Variants in GAS2 observed in about 807,000 individuals in gnomAD.
GAS2 encodes the protein growth arrest-specific protein 2.
In GAS2, 20 loss-of-function variants were observed where a neutral mutation model predicts 37.5. The observed-to-expected ratio is 0.53, with a 90% CI of 0.37 to 0.77. GAS2 has a LOEUF of 0.77. Ranked by LOEUF, GAS2 falls within the 30% of genes least tolerant of loss-of-function variation. The pLI, the probability that GAS2 is intolerant of heterozygous loss-of-function variation, is 0.00. For missense variants in GAS2, 336 were observed against 373.4 expected, an observed-to-expected ratio of 0.90 and a Z score of 0.82; for synonymous variants, 144 against 132.2, an observed-to-expected ratio of 1.09 and a Z score of -0.61.
At chr11:22,732,260 TG>T (rs1852514571) in intron 4 of GAS2, among the ~76,000 whole-genome samples, 1 of 151,716 alleles carries the variant, frequency 6.6e-6, no homozygotes, top group South Asian at 2.1e-4. Context: ...TATTTTAACC[TG>T]GGTGCTGGGT....
At position 22,685,855 on chromosome 11, in the gene GAS2, G is replaced by C. The variant is rs1016960163; in HGVS notation, c.267+66G>C. On this transcript the variant is annotated intron_variant, in intron 3 of 7. Coordinates refer to ENST00000454584, the MANE Select transcript of GAS2 (RefSeq NM_001143830.3). ...TTACATTTATAATTGCTTATAAATT[G>C]TGTGTAATTAAAAAATTTATTGTGA... The C allele has an allele frequency of 3.3e-6, 5 of 1,495,936 alleles. No homozygotes were observed. In the African/African-American group the frequency reaches 5.6e-5, roughly 17 times the overall value. 92.7% of individuals were successfully genotyped at this position (1,495,936 alleles called of 1,614,324 possible).
intron 1 of GAS2, among the ~76,000 whole-genome samples, chr11:22,652,985 C>A (rs1207303709): frequency 8.1e-6 from 1 of 122,744 alleles, no homozygotes; most frequent in African/African-American, 3.9e-5. Context: ...CTTTGTCTTT[C>A]TTTCTTTGTC....
intron 7 of GAS2, among the ~76,000 whole-genome samples, chr11:22,799,551 G>A (rs1044489986): frequency 7.9e-5 from 12 of 151,804 alleles, no homozygotes; most frequent in African/African-American, 2.7e-4. Flanking sequence ...TGCAATTCCT[G>A]TTATAGCTTC....
At chr11:22,630,693 A>G (rs971616953) in intron 1 of GAS2, among the ~76,000 whole-genome samples, 2 of 152,202 alleles carry the variant, frequency 1.3e-5, no homozygotes, top group African/African-American at 4.8e-5. Context: ...TGAGTTCTCT[A>G]TTCTCTTCCA....
chr11:22,772,045 C>A (rs963682837), intron 7 of GAS2, among the ~76,000 whole-genome samples: 1 of 152,116 alleles, frequency 6.6e-6, no homozygotes, highest in Non-Finnish European at 1.5e-5. Context: ...TTCTAAAATT[C>A]CTTCAACAGA....
intron 1 of GAS2, among the ~76,000 whole-genome samples, chr11:22,658,615 G>A (rs1848882301): frequency 6.6e-6 from 1 of 152,090 alleles, no homozygotes; most frequent in African/African-American, 2.4e-5. Context: ...CCATCTATCA[G>A]CAAGTCATAA....
At chr11:22,682,143 A>G (rs933308147) in intron 2 of GAS2, among the ~76,000 whole-genome samples, 2 of 152,068 alleles carry the variant, frequency 1.3e-5, no homozygotes, top group Non-Finnish European at 2.9e-5. Context: ...TTGAAAGCTG[A>G]CACCTAATAT....
upstream of GAS2, chr11:22,666,577 G>A (rs1039670233): frequency 4.6e-5 from 7 of 152,232 alleles, no homozygotes; most frequent in African/African-American, 1.7e-4. Context: ...GGGTAAATCA[G>A]TGTCAACTGC....
intron 2 of GAS2, among the ~76,000 whole-genome samples, chr11:22,683,797 G>A (rs1382192235): frequency 6.6e-6 from 1 of 151,772 alleles, no homozygotes; most frequent in African/African-American, 2.4e-5. Flanking sequence ...TAGGTGCCTA[G>A]TATGTGAATA....
intron 3 of GAS2, among the ~76,000 whole-genome samples, chr11:22,692,687 C>A (rs1850304618): frequency 6.6e-6 from 1 of 152,164 alleles, no homozygotes; most frequent in Non-Finnish European, 1.5e-5. Flanking sequence ...TTGTCCTCAG[C>A]ACTTTCCAGC....
chr11:22,750,118 A>T (rs1853648653), intron 6 of GAS2, among the ~76,000 whole-genome samples: 1 of 152,060 alleles, frequency 6.6e-6, no homozygotes, highest in Non-Finnish European at 1.5e-5. Context: ...TTTTATAGAA[A>T]ATGGCAATGC....
chr11:22,682,888 G>GAAAAAAAAAAAA (rs57025584), intron 2 of GAS2, among the ~76,000 whole-genome samples: 4 of 102,362 alleles, frequency 3.9e-5, no homozygotes, highest in Admixed American at 1.1e-4. Context: ...AAAAAAAAAG[G>GAAAAAAAAAAAA]AAAAAAAAAA....
intron 4 of GAS2, among the ~76,000 whole-genome samples, chr11:22,733,866 G>A (rs368610670): frequency 2.0e-5 from 3 of 151,714 alleles, no homozygotes; most frequent in African/African-American, 7.2e-5. Flanking sequence ...TTGTTTTGAA[G>A]AGAATTTGTT....
chr11:22,732,293 C>CT (rs1357810536), intron 4 of GAS2, among the ~76,000 whole-genome samples: 1 of 151,546 alleles, frequency 6.6e-6, no homozygotes, highest in Non-Finnish European at 1.5e-5. Flanking sequence ...AAAGAGCGCT[C>CT]TTTTTTCCAG....
At chr11:22,801,384 T>C (rs1020903731) in intron 7 of GAS2, among the ~76,000 whole-genome samples, 1 of 151,920 alleles carries the variant, frequency 6.6e-6, no homozygotes, top group Non-Finnish European at 1.5e-5. Context: ...TTTCAACTTA[T>C]TTTTCCCCTT....
rs77642117 is a variant in GAS2, at chr11:22,687,761, C to T, written c.267+1972C>T. Reference sequence around the variant, plus strand: ...AGCTACTGATGAAAAAATATAATGCCGATAAGAGGACAACTTGTATAGAAG... The same window carrying T: ...AGCTACTGATGAAAAAATATAATGCTGATAAGAGGACAACTTGTATAGAAG... On this transcript the variant is annotated intron_variant, in intron 3 of 7. Coordinates refer to ENST00000454584, the MANE Select transcript of GAS2 (RefSeq NM_001143830.3). 7.1e-3 allele frequency among the ~76,000 whole-genome samples: 1,080 copies of T among 152,192 alleles called. 14 individuals are homozygous for T. The highest frequency in any genetic ancestry group is 0.025 in the African/African-American group (1,036 of 41,512).
chr11:22,656,011 A>C (rs1848850082), intron 1 of GAS2, among the ~76,000 whole-genome samples: 1 of 152,224 alleles, frequency 6.6e-6, no homozygotes, highest in Admixed American at 6.5e-5. Flanking sequence ...CATTTACTAA[A>C]AAATAAAAAT....
chr11:22,727,266 A>G (rs1852260639), intron 4 of GAS2, among the ~76,000 whole-genome samples: 1 of 152,094 alleles, frequency 6.6e-6, no homozygotes, highest in Non-Finnish European at 1.5e-5. Context: ...AGACATCTAG[A>G]GAAAAAAACT....
At chr11:22,790,517 T>C (rs1015192064) in intron 7 of GAS2, among the ~76,000 whole-genome samples, 1 of 152,082 alleles carries the variant, frequency 6.6e-6, no homozygotes, top group African/African-American at 2.4e-5. Flanking sequence ...TTTCCTCCAA[T>C]GAGGACACTT....
Sources: allele counts gnomAD v4.1 joint callset (sites outside exome capture counted in the v4.1 genomes callset), GRCh38; gene constraint gnomAD v4.1.1; transcripts MANE v1.5; gene names NCBI Gene and HGNC (gene_info 2026-07-23, HGNC 2026-07-21).